ARHGEF9: variants seen among roughly 807,000 people sequenced by gnomAD.
ARHGEF9 encodes the protein Cdc42 guanine nucleotide exchange factor 9.
ARHGEF9 carries 2 observed loss-of-function variants against 41.3 expected under a neutral mutation model. The observed-to-expected ratio is 0.05, with a 90% confidence interval of 0.02 to 0.15. The LOEUF (loss-of-function observed/expected upper bound fraction) is 0.15. Among genes scored for constraint, ARHGEF9 ranks in the 10% least tolerant of loss-of-function variants. ARHGEF9 has a pLI of 1.00. For missense variants in ARHGEF9, 225 were observed against 424.7 expected (o/e 0.53, Z 4.13); for synonymous variants, 160 against 154.4 (o/e 1.04, Z -0.27).
chrX:63,745,334 T>C (rs1328494580), intron 1 of ARHGEF9, among the ~76,000 whole-genome samples: 1 of 111,089 alleles, frequency 9.0e-6, no homozygotes, highest in Non-Finnish European at 1.9e-5. Flanking sequence ...GGAGAGCTAA[T>C]GTGGCCTTCA....
At chrX:63,737,081 C>A (rs1556423538) in intron 1 of ARHGEF9, 1 of 111,895 alleles carries the variant, frequency 8.9e-6, no homozygotes, top group East Asian at 2.8e-4. Flanking sequence ...CAGAACCTGA[C>A]TTTCCCTCCC....
At chrX:63,693,716 C>T in intron 4 of ARHGEF9, among the ~76,000 whole-genome samples, 1 of 106,030 alleles carries the variant, frequency 9.4e-6, no homozygotes, top group Non-Finnish European at 1.9e-5. Flanking sequence ...ACAAACAATA[C>T]ACTTAAAACG....
chrX:63,732,248 C>G (rs1367419796), intron 1 of ARHGEF9: 1 of 111,546 alleles, frequency 9.0e-6, no homozygotes. Context: ...TCAGTTCTCG[C>G]TCACCTCCAG....
At chrX:63,652,284 T>G in intron 8 of ARHGEF9, among the ~76,000 whole-genome samples, 1 of 111,905 alleles carries the variant, frequency 8.9e-6, no homozygotes, top group Non-Finnish European at 1.9e-5. Flanking sequence ...CACATCTGGA[T>G]TCAATCAACT....
chrX:63,667,631 AT>A (rs1245346777), intron 6 of ARHGEF9, among the ~76,000 whole-genome samples: 1 of 109,976 alleles, frequency 9.1e-6, no homozygotes, highest in Non-Finnish European at 1.9e-5. Flanking sequence ...CGAGCATACC[AT>A]TTTTTTCCCC....
rs1301602545 is a variant in ARHGEF9, at chrX:63,773,608, C to A, written c.30+11508G>T. ...AGTTAATTTTAATGTATCAACTTGA[C>A]TGAGCCACAGGGTGCCCAGATATTT... On this transcript the variant is annotated intron_variant, in intron 1 of 9. Transcript: ENST00000671741. Among the ~76,000 whole-genome samples, 3 of 112,139 alleles carry A rather than the reference C, an allele frequency of 2.7e-5. No homozygotes were observed. The Admixed American group carries it at 2.8e-4, about 11-fold the overall frequency.
intron 1 of ARHGEF9, among the ~76,000 whole-genome samples, chrX:63,770,735 T>C (rs1385047707): frequency 8.9e-6 from 1 of 111,745 alleles, no homozygotes; most frequent in African/African-American, 3.3e-5. Flanking sequence ...ACTACTCTCA[T>C]AATAGTGAGT....
At chrX:63,732,834 C>T (rs1210848033) in intron 1 of ARHGEF9, among the ~76,000 whole-genome samples, 1 of 111,893 alleles carries the variant, frequency 8.9e-6, no homozygotes, top group Non-Finnish European at 1.9e-5. Context: ...AATCCTACTT[C>T]TGTGCCTCTG....
At chrX:63,689,429 C>T (rs1556379171) in intron 4 of ARHGEF9, among the ~76,000 whole-genome samples, 1 of 111,866 alleles carries the variant, frequency 8.9e-6, no homozygotes, top group African/African-American at 3.2e-5. Context: ...ATAAATGGGT[C>T]AATTCAGCTA....
At chrX:63,716,603 T>C (rs1448612467) in intron 2 of ARHGEF9, among the ~76,000 whole-genome samples, 1 of 111,841 alleles carries the variant, frequency 8.9e-6, no homozygotes, top group East Asian at 2.8e-4. Flanking sequence ...GAAACCATTT[T>C]CACTGCATAC....
chrX:63,703,826 G>C (rs1292104716), intron 3 of ARHGEF9, among the ~76,000 whole-genome samples: 1 of 111,909 alleles, frequency 8.9e-6, no homozygotes, highest in East Asian at 2.8e-4. Flanking sequence ...GTCTCAAGAA[G>C]ATGATATTTG....
intron 4 of ARHGEF9, among the ~76,000 whole-genome samples, chrX:63,694,864 T>C (rs1556385843): frequency 8.9e-6 from 1 of 112,131 alleles, no homozygotes. Context: ...GTATGTAAAT[T>C]ATATCTACGT....
intron 1 of ARHGEF9, chrX:63,726,690 A>G (rs1200054028): frequency 9.0e-6 from 1 of 111,543 alleles, no homozygotes; most frequent in Admixed American, 9.5e-5. Flanking sequence ...AAGGTGACCT[A>G]GTCCTTCAGC....
intron 2 of ARHGEF9, among the ~76,000 whole-genome samples, chrX:63,712,001 C>T (rs1482245020): frequency 8.9e-6 from 1 of 111,828 alleles, no homozygotes; most frequent in Non-Finnish European, 1.9e-5. Flanking sequence ...ATATAAATGG[C>T]CAATAAATAC....
At chrX:63,659,340 G>A (rs1556339272) in intron 7 of ARHGEF9, among the ~76,000 whole-genome samples, 1 of 112,151 alleles carries the variant, frequency 8.9e-6, no homozygotes, top group African/African-American at 3.2e-5. Flanking sequence ...GGGACACGGT[G>A]AGCAGGTGCT....
intron 4 of ARHGEF9, among the ~76,000 whole-genome samples, chrX:63,690,937 C>T (rs1319715428): frequency 9.0e-6 from 1 of 111,450 alleles, no homozygotes. Flanking sequence ...TTCAAGATCC[C>T]TCCATGAGAA....
At chrX:63,653,127 C>A (rs1556331548) in intron 8 of ARHGEF9, among the ~76,000 whole-genome samples, 1 of 111,432 alleles carries the variant, frequency 9.0e-6, no homozygotes, top group African/African-American at 3.3e-5. Context: ...AATCAGTTGA[C>A]TTTATATAAG....
intron 1 of ARHGEF9, among the ~76,000 whole-genome samples, chrX:63,784,765 G>C (rs1310186854): frequency 1.8e-5 from 2 of 110,548 alleles, no homozygotes; most frequent in Non-Finnish European, 3.8e-5. Flanking sequence ...AGCCTCCTGC[G>C]AGCTTCACTG....
chrX:63,643,352 T>A (rs1264172343), intron 9 of ARHGEF9, among the ~76,000 whole-genome samples: 1 of 109,317 alleles, frequency 9.1e-6, no homozygotes, highest in Non-Finnish European at 1.9e-5. Flanking sequence ...CTGAGCAATA[T>A]CTTTATACTT....
Sources: gnomAD v4.1 joint callset for allele counts (sites outside exome capture counted in the v4.1 genomes callset) on GRCh38, gnomAD v4.1.1 for gene constraint, MANE v1.5 for transcripts, NCBI Gene and HGNC (gene_info 2026-07-23, HGNC 2026-07-21) for gene names.